Variants in LIMCH1 observed in about 807,000 individuals in gnomAD.
LIMCH1 encodes LIM and calponin homology domains-containing protein 1.
Under a neutral mutation model 176.5 loss-of-function variants are expected in LIMCH1, and 113 were observed. That is an observed-to-expected ratio of 0.64 (90% CI 0.55 to 0.75). The LOEUF (loss-of-function observed/expected upper bound fraction) is 0.75. Ranked by LOEUF, LIMCH1 falls within the 30% of genes least tolerant of loss-of-function variation. The pLI is 0.00. For synonymous variants in LIMCH1, 619 were observed against 645.9 expected (o/e 0.96, Z 0.63); for missense variants, 1,674 against 1,814.9 (o/e 0.92, Z 1.41).
At chr4:41,540,936 C>A (rs1339024842) in intron 1 of LIMCH1, among the ~76,000 whole-genome samples, 1 of 152,108 alleles carries the variant, frequency 6.6e-6, no homozygotes, top group Non-Finnish European at 1.5e-5. Flanking sequence ...GTTCCTTGTT[C>A]TCTACCTTTT....
intron 2 of LIMCH1, among the ~76,000 whole-genome samples, chr4:41,517,184 G>A (rs1162433149): frequency 6.6e-6 from 1 of 152,176 alleles, no homozygotes; most frequent in East Asian, 1.9e-4. Context: ...ACTAGTAAAT[G>A]TGGAGGAGAG....
rs1418538317 is a variant in LIMCH1, at chr4:41,676,457, C to T, written c.3514C>T (p.Leu1172Phe). ...EKWQQEQERL[L>F]QERYQKEQDK... ...ATGGCAACAGGAACAGGAACGTTTG[C>T]TCCAGGTAGGATGGAGTTTGCTGCT... Residue 1172 changes from leucine to phenylalanine, a missense_variant, in exon 23 of 32, where the codon CTC becomes TTC. This residue lies in a region of LIMCH1 where 1,015 missense variants were observed against 1,102.5 expected (regional missense o/e 0.92). Coordinates refer to ENST00000503057, the MANE Select transcript of LIMCH1 (RefSeq NM_001330672.2). 1 of 1,613,278 alleles carries T rather than the reference C, an allele frequency of 6.2e-7. No individual in the cohort carries two copies. The highest frequency in any genetic ancestry group is 8.5e-7 in the Non-Finnish European group (1 of 1,179,250).
At chr4:41,404,715 G>T (rs2154119649) in intron 1 of LIMCH1, among the ~76,000 whole-genome samples, 2 of 152,280 alleles carry the variant, frequency 1.3e-5, no homozygotes, top group Middle Eastern at 6.8e-3. Context: ...GGAGGCAAAG[G>T]TTGCGGTGAG....
chr4:41,692,385 G>GT lies in LIMCH1; in HGVS notation c.4378+2dup, dbSNP rs771558293. 4.2e-5 allele frequency: 67 copies of GT among 1,581,500 alleles called. No individual in the cohort carries two copies. In the Admixed American group the frequency reaches 1.1e-3, roughly 26 times the overall value. On this transcript the variant is annotated splice_donor_variant, in intron 31 of 31. Coordinates refer to ENST00000503057, the MANE Select transcript of LIMCH1 (RefSeq NM_001330672.2). LOFTEE classifies it high-confidence loss of function. ...AATGATTGCTACATGCGATCCAGAAGTAAGTACTGGGGAGAATGCCTCATG... is the reference window on the plus strand; with the variant it reads ...AATGATTGCTACATGCGATCCAGAAGTTAAGTACTGGGGAGAATGCCTCATG...
intron 17 of LIMCH1, among the ~76,000 whole-genome samples, chr4:41,647,641 C>T (rs1277777344): frequency 6.6e-6 from 1 of 152,234 alleles, no homozygotes; most frequent in Non-Finnish European, 1.5e-5. Flanking sequence ...CTTGTCCTTG[C>T]ACTCAATGAG....
chr4:41,693,744 A>G (rs1489836527), intron 31 of LIMCH1, among the ~76,000 whole-genome samples: 1 of 152,170 alleles, frequency 6.6e-6, no homozygotes, highest in Non-Finnish European at 1.5e-5. Context: ...ATCGTCTTCT[A>G]TAAATTATTC....
chr4:41,398,812 C>T (rs553166807), intron 1 of LIMCH1, among the ~76,000 whole-genome samples: 197 of 152,146 alleles, frequency 1.3e-3, no homozygotes, highest in Non-Finnish European at 2.5e-3. Context: ...TCCCAAGTGT[C>T]TCTTTGAGGT....
chr4:41,388,046 GT>G (rs1422409839), intron 1 of LIMCH1, among the ~76,000 whole-genome samples: 2 of 152,210 alleles, frequency 1.3e-5, no homozygotes, highest in Non-Finnish European at 2.9e-5. Context: ...AGAAGCGGAG[GT>G]TGCAGTGAGC....
chr4:41,667,065 C>G (rs944772060), intron 21 of LIMCH1, among the ~76,000 whole-genome samples: 3 of 151,868 alleles, frequency 2.0e-5, no homozygotes, highest in African/African-American at 7.3e-5. Flanking sequence ...TGAGATCATG[C>G]CACTGCACTC....
Position 41,681,053 on chromosome 4 carries a change from G to T in LIMCH1, c.3711G>T (p.Gly1237=), listed in dbSNP as rs548159362. Residue 1237 remains glycine (G), a synonymous_variant, in exon 25 of 32, where the codon GGG becomes GGT. Transcript: ENST00000503057. ...STSSSMTEGS[G]TMNKIDLGNC... The stretch of plus-strand genomic sequence containing the variant: ...CTTCCTCCATGACTGAAGGCAGTGG[G>T]ACAATGGTGAGACCACAGATTAAAA... 73 of 1,595,916 alleles carry T rather than the reference G, an allele frequency of 4.6e-5. No homozygotes were observed. Among genetic ancestry groups the T allele is most frequent in the Admixed American group, 8.4e-5 (5 of 59,476 alleles).
intron 1 of LIMCH1, among the ~76,000 whole-genome samples, chr4:41,399,402 G>A (rs1276685589): frequency 6.6e-6 from 1 of 152,206 alleles, no homozygotes; most frequent in East Asian, 1.9e-4. Context: ...GGGAAGTAAG[G>A]AGATGGAAGA....
At chr4:41,503,156 C>G (rs1408474010) in intron 2 of LIMCH1, among the ~76,000 whole-genome samples, 2 of 152,132 alleles carry the variant, frequency 1.3e-5, no homozygotes, top group Non-Finnish European at 2.9e-5. Context: ...ACTAGCTTTG[C>G]AATCCCAGCA....
At chr4:41,524,266 C>T (rs892375504) in intron 2 of LIMCH1, 1 of 694,286 alleles carries the variant, frequency 1.4e-6, no homozygotes. Context: ...TGCATGAAGG[C>T]TGATAGATTA....
At chr4:41,691,755 A>G (rs753123132) in intron 30 of LIMCH1, among the ~76,000 whole-genome samples, 1 of 152,104 alleles carries the variant, frequency 6.6e-6, no homozygotes, top group African/African-American at 2.4e-5. Context: ...AGAGCGAGAC[A>G]CTGTCTTAAA....
intron 1 of LIMCH1, among the ~76,000 whole-genome samples, chr4:41,460,077 G>T (rs1358333703): frequency 1.3e-5 from 2 of 152,124 alleles, no homozygotes; most frequent in Non-Finnish European, 2.9e-5. Flanking sequence ...ATAAAGCAGA[G>T]AGGGGGTGTG....
chr4:41,610,715 T>C (rs570639168), intron 4 of LIMCH1, among the ~76,000 whole-genome samples: 2 of 152,286 alleles, frequency 1.3e-5, no homozygotes, highest in African/African-American at 2.4e-5. Context: ...ATAACTTGCC[T>C]GAGGTCACAG....
intron 1 of LIMCH1, among the ~76,000 whole-genome samples, chr4:41,427,943 GA>G (rs11365470): frequency 0.23 from 29,606 of 129,558 alleles, 3,427 homozygotes; most frequent in African/African-American, 0.35. Flanking sequence ...CATCTATTTG[GA>G]AAAAAAAAAA....
In LIMCH1 at chr4:41,606,049, G is replaced by A. The variant is rs746051500; in HGVS notation, c.9+45G>A. On this transcript the variant is annotated intron_variant, in intron 4 of 31. Transcript: ENST00000503057. ...TTATCCCATAAGCGTTAGACAAGGTGGGAAAGCTACACATTTGCTTGTTTT... is the reference window on the plus strand; with the variant it reads ...TTATCCCATAAGCGTTAGACAAGGTAGGAAAGCTACACATTTGCTTGTTTT... The A allele has an allele frequency of 2.9e-6, 4 of 1,358,668 alleles. No individual in the cohort carries two copies. The African/African-American group carries it at 5.7e-5, about 19-fold the overall frequency. The allele number at this position is 1,358,668 out of a possible 1,614,324, so 84.2% of individuals were successfully genotyped here.
At chr4:41,407,629 C>T (rs1332930795) in intron 1 of LIMCH1, among the ~76,000 whole-genome samples, 1 of 152,054 alleles carries the variant, frequency 6.6e-6, no homozygotes, top group African/African-American at 2.4e-5. Flanking sequence ...TCCGTGCCCT[C>T]TGCGGAAGGT....
Sources: gnomAD v4.1 joint callset for allele counts (sites outside exome capture counted in the v4.1 genomes callset) on GRCh38, gnomAD v4.1.1 for gene constraint, gnomAD v4.1.1 regional missense constraint, MANE v1.5 for transcripts, NCBI Gene and HGNC (gene_info 2026-07-23, HGNC 2026-07-21) for gene names.